DPYSL2: variants seen among roughly 807,000 people sequenced by gnomAD.
DPYSL2 encodes dihydropyrimidinase like 2, also known as dihydropyrimidinase-related protein 2.
A neutral mutation model predicts 69.9 loss-of-function variants in DPYSL2; 13 were observed. That is an observed-to-expected ratio of 0.19 (90% confidence interval 0.12 to 0.30). The LOEUF is 0.30. Ranked by LOEUF, DPYSL2 falls within the 10% of genes least tolerant of loss-of-function variation. The pLI, the probability that DPYSL2 is intolerant of heterozygous loss-of-function variation, is 1.00. For synonymous variants in DPYSL2, 326 were observed against 359.1 expected, an observed-to-expected ratio of 0.91 and a Z score of 1.04; for missense variants, 587 against 918.9, an observed-to-expected ratio of 0.64 and a Z score of 4.67.
chr8:26,581,500 G>A (rs578209915), intron 1 of DPYSL2, among the ~76,000 whole-genome samples: 11 of 151,718 alleles, frequency 7.3e-5, no homozygotes, highest in African/African-American at 2.4e-4. Context: ...AGCCTCCCGA[G>A]TAGCTGGGAT....
At chr8:26,578,074 G>A (rs900843746) in intron 1 of DPYSL2, 4 of 1,484,896 alleles carry the variant, frequency 2.7e-6, no homozygotes, top group African/African-American at 1.4e-5. Context: ...GAGAGACAGA[G>A]GATTGCATTC....
rs1801634515 is a variant in DPYSL2, at chr8:26,587,570, T to C, written c.628+3587T>C. ...AATATTCTCGGTTTAAAAAAGGAGA[T>C]GGCATGTCAGCAGCAGAAGATAATA... On this transcript the variant is annotated intron_variant, in intron 3 of 13. Coordinates refer to ENST00000521913, the MANE Select transcript of DPYSL2 (RefSeq NM_001197293.3). The surrounding 1 kb of genome is among the most constrained non-coding windows in gnomAD (Gnocchi z 4.2). 6.6e-6 allele frequency among the ~76,000 whole-genome samples: 1 copy of C among 152,202 alleles called. No homozygotes were observed. The highest frequency in any genetic ancestry group is 2.4e-5 in the African/African-American group (1 of 41,456).
Position 26,564,376 on chromosome 8 carries a change from G to A in DPYSL2, c.355-17593G>A, listed in dbSNP as rs529698154. On this transcript the variant is annotated intron_variant, in intron 1 of 13. Transcript: ENST00000521913. The surrounding 1 kb of genome is among the most constrained non-coding windows in gnomAD (Gnocchi z 4.8). ...AGCACAGGGCCAGGGAGATGGGAAC[G>A]GCTGGAGGAGTTTTCCAAGCTCAAG... Among the ~76,000 whole-genome samples, 12 of 152,286 alleles carry A rather than the reference G, an allele frequency of 7.9e-5. No homozygotes were observed. The highest frequency in any genetic ancestry group is 3.9e-4 in the East Asian group (2 of 5,184).
rs375640906 is a variant in DPYSL2 at position 26,627,188 on chromosome 8, C to G, written c.856-27C>G. The G allele has an allele frequency of 1.7e-5, 27 of 1,609,992 alleles. No individual in the cohort carries two copies. In the African/African-American group the frequency reaches 2.8e-4, roughly 17 times the overall value. On this transcript the variant is annotated intron_variant, in intron 5 of 13. Coordinates refer to ENST00000521913, the MANE Select transcript of DPYSL2 (RefSeq NM_001197293.3). The surrounding 1 kb of genome is among the most constrained non-coding windows in gnomAD (Gnocchi z 6.9). Reference sequence around the variant, plus strand: ...AACAGGAAGATGGAAGTCCCTGTCTCTGATCCCACCCTTGTCTCTCTCTCA... The same window carrying G: ...AACAGGAAGATGGAAGTCCCTGTCTGTGATCCCACCCTTGTCTCTCTCTCA...
At position 26,654,790 on chromosome 8, in the gene DPYSL2, C is replaced by T. The variant is rs1803346448; in HGVS notation, c.1943-825C>T. On this transcript the variant is annotated intron_variant, in intron 13 of 13. Transcript: ENST00000521913. This position sits in a 1 kb window ranked among gnomAD's most constrained non-coding sequence, Gnocchi z 5.0. Reference sequence around the variant, plus strand: ...AGATCCAACAACCTTTATACAGTGTCTGATTCTTTGGTTACCTTAGGCTCA... The same window carrying T: ...AGATCCAACAACCTTTATACAGTGTTTGATTCTTTGGTTACCTTAGGCTCA... Among the ~76,000 whole-genome samples the T allele has an allele frequency of 6.6e-6, 1 of 152,092 alleles. No homozygotes were observed. Among genetic ancestry groups the T allele is most frequent in the South Asian group, 2.1e-4 (1 of 4,826 alleles).
At chr8:26,529,309 T>C (rs1800456075) in intron 1 of DPYSL2, among the ~76,000 whole-genome samples, 1 of 151,936 alleles carries the variant, frequency 6.6e-6, no homozygotes, top group South Asian at 2.1e-4. Flanking sequence ...CTATCATCTA[T>C]CTATCTATCT....
rs557737096 is a variant in DPYSL2, at chr8:26,647,128, T to C, written c.1426-502T>C. 9.1e-4 allele frequency among the ~76,000 whole-genome samples: 138 copies of C among 152,256 alleles called. No homozygotes were observed. Among genetic ancestry groups the C allele is most frequent in the African/African-American group, 3.1e-3 (129 of 41,542 alleles). ...ATTTTTTTTTGTTTTGAAATAATTA[T>C]AGATTAAGAAGCAGTTGCAAAGATA... On this transcript the variant is annotated intron_variant, in intron 10 of 13. Coordinates refer to ENST00000521913, the MANE Select transcript of DPYSL2 (RefSeq NM_001197293.3). The surrounding 1 kb of genome is among the most constrained non-coding windows in gnomAD (Gnocchi z 5.1).
rs1010118016 is a variant in DPYSL2, at chr8:26,580,056, C to G, written c.355-1913C>G. 6.6e-6 allele frequency among the ~76,000 whole-genome samples: 1 copy of G among 151,186 alleles called. No homozygotes were observed. Among genetic ancestry groups the G allele is most frequent in the Non-Finnish European group, 1.5e-5 (1 of 67,882 alleles). Reference sequence around the variant, plus strand: ...CCACTGGCAGCCTCTTATGTAAGAGCCTTCTGGAAGGCACTAGAGTGAACG... The same window carrying G: ...CCACTGGCAGCCTCTTATGTAAGAGGCTTCTGGAAGGCACTAGAGTGAACG... On this transcript the variant is annotated intron_variant, in intron 1 of 13. Transcript: ENST00000521913. The surrounding 1 kb of genome is among the most constrained non-coding windows in gnomAD (Gnocchi z 4.1).
In DPYSL2 at chr8:26,643,669, A is replaced by T; in HGVS notation, c.1283+74A>T. On this transcript the variant is annotated intron_variant, in intron 9 of 13. Coordinates refer to ENST00000521913, the MANE Select transcript of DPYSL2 (RefSeq NM_001197293.3). The surrounding 1 kb of genome is among the most constrained non-coding windows in gnomAD (Gnocchi z 6.5). ...CCAGACTGACCTGTTAGGCGAAAAC[A>T]ACATGGTGGCCAAGAGCAGCCATAA... is the stretch of plus-strand genomic sequence containing the variant. 7.5e-6 allele frequency: 12 copies of T among 1,603,086 alleles called. No individual in the cohort carries two copies. The highest frequency in any genetic ancestry group is 1.3e-5 in the African/African-American group (1 of 74,862).
At chr8:26,577,697 C>T in intron 1 of DPYSL2, 1 of 638,012 alleles carries the variant, frequency 1.6e-6, no homozygotes, top group Non-Finnish European at 1.9e-6. Context: ...CCCACCGCCC[C>T]GGCCCGAAGA....
intron 1 of DPYSL2, among the ~76,000 whole-genome samples, chr8:26,552,430 G>C (rs1800886041): frequency 6.6e-6 from 1 of 152,140 alleles, no homozygotes; most frequent in African/African-American, 2.4e-5. Context: ...GAAATCAAAA[G>C]AGAAAATAAA....
At chr8:26,600,489 C>T (rs327231) in intron 3 of DPYSL2, among the ~76,000 whole-genome samples, 1 of 152,088 alleles carries the variant, frequency 6.6e-6, no homozygotes, top group African/African-American at 2.4e-5. Flanking sequence ...TATAGCCATG[C>T]GAGTGGGTGT....
At chr8:26,577,993 T>TTC (rs756432252) in intron 1 of DPYSL2, 158,723 of 1,202,458 alleles carry the variant, frequency 0.13, 2,256 homozygotes, top group Non-Finnish European at 0.14. Context: ...CTCTCTCTCC[T>TTC]TCTCTCTCTC....
chr8:26,654,733 A>G lies in DPYSL2; in HGVS notation c.1943-882A>G, dbSNP rs1739069318. 6.6e-6 allele frequency among the ~76,000 whole-genome samples: 1 copy of G among 152,202 alleles called. No homozygotes were observed. The highest frequency in any genetic ancestry group is 1.5e-5 in the Non-Finnish European group (1 of 68,038). On this transcript the variant is annotated intron_variant, in intron 13 of 13. Transcript: ENST00000521913. The surrounding 1 kb of genome is among the most constrained non-coding windows in gnomAD (Gnocchi z 5.0). ...AGGACAGAGTCTAAGATGTAGTGATATTTTGTATATAGTTTTACTTTCTCC... is the reference window on the plus strand; with the variant it reads ...AGGACAGAGTCTAAGATGTAGTGATGTTTTGTATATAGTTTTACTTTCTCC...
At chr8:26,577,573 G>C (rs1376747038) in intron 1 of DPYSL2, among the ~76,000 whole-genome samples, 1 of 149,324 alleles carries the variant, frequency 6.7e-6, no homozygotes, top group African/African-American at 2.4e-5. Context: ...GAGTGCGTGC[G>C]GCCCCGAAGC....
At chr8:26,590,113 T>C (rs988044659) in intron 3 of DPYSL2, among the ~76,000 whole-genome samples, 2 of 152,224 alleles carry the variant, frequency 1.3e-5, no homozygotes, top group Admixed American at 1.3e-4. Flanking sequence ...GTGTCTGTAA[T>C]TGATACTTTG....
At chr8:26,615,814 T>C (rs1464426173) in intron 3 of DPYSL2, among the ~76,000 whole-genome samples, 1 of 152,178 alleles carries the variant, frequency 6.6e-6, no homozygotes, top group Admixed American at 6.5e-5. Context: ...TTCCAGCTCT[T>C]AGGAAAATGC....
chr8:26,647,049 T>C lies in DPYSL2; in HGVS notation c.1426-581T>C, dbSNP rs564308845. ...GTATTTTGTTGAAAAGGACAGCCAA[T>C]TGGGCCAAATGATATTTCCTAAAGA... is the stretch of plus-strand genomic sequence containing the variant. On this transcript the variant is annotated intron_variant, in intron 10 of 13. Coordinates refer to ENST00000521913, the MANE Select transcript of DPYSL2 (RefSeq NM_001197293.3). The surrounding 1 kb of genome is among the most constrained non-coding windows in gnomAD (Gnocchi z 5.1). Among the ~76,000 whole-genome samples the C allele has an allele frequency of 1.3e-5, 2 of 151,920 alleles. No individual in the cohort carries two copies. The highest frequency in any genetic ancestry group is 2.4e-5 in the African/African-American group (1 of 41,412).
In DPYSL2 at chr8:26,581,547, T is replaced by G. The variant is rs556200023; in HGVS notation, c.355-422T>G. On this transcript the variant is annotated intron_variant, in intron 1 of 13. Coordinates refer to ENST00000521913, the MANE Select transcript of DPYSL2 (RefSeq NM_001197293.3). The stretch of plus-strand genomic sequence containing the variant: ...ACCACCATGCCCAGCCCATTTTTTG[T>G]ATTTTTTATAGAGATGGGGTTTCAC... Among the ~76,000 whole-genome samples, 306 of 152,216 alleles carry G rather than the reference T, an allele frequency of 2.0e-3. 2 individuals carry two copies. Among genetic ancestry groups the G allele is most frequent in the African/African-American group, 6.9e-3 (287 of 41,516 alleles).
Sources: gnomAD v4.1 joint callset for allele counts (sites outside exome capture counted in the v4.1 genomes callset) on GRCh38, gnomAD v4.1.1 for gene constraint, Gnocchi (gnomAD v3.1) non-coding constraint, MANE v1.5 for transcripts, NCBI Gene and HGNC (gene_info 2026-07-23, HGNC 2026-07-21) for gene names.